Variants in MME observed in about 807,000 individuals in gnomAD.
MME encodes neprilysin.
In MME, 98 loss-of-function variants were observed where a neutral mutation model predicts 113.2. The observed-to-expected ratio is 0.87, with a 90% CI of 0.74 to 1.02. MME has a LOEUF of 1.02. MME is among the 50% of genes least tolerant of loss of function. The probability of loss-of-function intolerance (pLI) is 0.00; values close to 1 mark genes in which losing one functional copy is unlikely to be tolerated. For synonymous variants in MME, 292 were observed against 300.6 expected (o/e 0.97, Z 0.30); for missense variants, 836 against 896.0 (o/e 0.93, Z 0.86).
chr3:155,113,958 T>C (rs1718389030), intron 3 of MME, among the ~76,000 whole-genome samples: 1 of 151,904 alleles, frequency 6.6e-6, no homozygotes, highest in Non-Finnish European at 1.5e-5. Context: ...AGTGGTTCAA[T>C]GGGGGGGCTT....
chr3:155,059,258 C>CAAAAA (rs11459710), intron 1 of MME, among the ~76,000 whole-genome samples: 749 of 55,976 alleles, frequency 0.013, 27 homozygotes, highest in African/African-American at 0.05. Context: ...AATTCTGTCT[C>CAAAAA]AAAAAAAAAA....
chr3:155,075,754 C>T (rs979894289), upstream of MME, among the ~76,000 whole-genome samples: 4 of 152,138 alleles, frequency 2.6e-5, no homozygotes, highest in African/African-American at 9.7e-5. Flanking sequence ...AACTTGGGCT[C>T]AAGTGATTTT....
intron 3 of MME, among the ~76,000 whole-genome samples, chr3:155,086,374 G>A (rs1019386808): frequency 4.6e-5 from 7 of 152,162 alleles, no homozygotes; most frequent in Admixed American, 1.3e-4. Flanking sequence ...CAGGAGGAAG[G>A]TAGAGATGAG....
At position 155,065,899 on chromosome 3, in the gene MME, ATTG is replaced by A. The variant is rs1469442976; in HGVS notation, c.-10-18254_-10-18252del. Among the ~76,000 whole-genome samples, 3 of 152,222 alleles carry A rather than the reference ATTG, an allele frequency of 2.0e-5. No individual in the cohort carries two copies. The South Asian group carries it at 6.2e-4, about 32-fold the overall frequency. ...GTAGATATATACACTGATGTTCCAA[ATTG>A]TTGTAGTTGCTGTGCAGTGGAGCTA... On this transcript the variant is annotated intron_variant, in intron 1 of 22. Coordinates refer to the MME transcript ENST00000492661.
At chr3:155,039,118 G>A (rs1713223587) in intron 1 of MME, among the ~76,000 whole-genome samples, 1 of 152,094 alleles carries the variant, frequency 6.6e-6, no homozygotes, top group African/African-American at 2.4e-5. Context: ...TGAGGAAGGG[G>A]GCCAGACCCA....
intron 1 of MME, among the ~76,000 whole-genome samples, chr3:155,049,878 A>G (rs1713699085): frequency 6.6e-6 from 1 of 152,096 alleles, no homozygotes. Context: ...CAAGTTTGTT[A>G]TATACATACA....
intron 1 of MME, among the ~76,000 whole-genome samples, chr3:155,035,802 T>C (rs146256714): frequency 3.9e-5 from 6 of 152,256 alleles, no homozygotes; most frequent in African/African-American, 1.2e-4. Context: ...CCTAGCTTCA[T>C]TGGCCATTGT....
chr3:155,128,858 C>A (rs1719912550), intron 8 of MME, among the ~76,000 whole-genome samples: 1 of 152,124 alleles, frequency 6.6e-6, no homozygotes, highest in African/African-American at 2.4e-5. Flanking sequence ...AGAACCCAAT[C>A]TTTTGGAAGC....
chr3:155,177,910 C>T (rs1712712238), intron 22 of MME, among the ~76,000 whole-genome samples: 2 of 152,050 alleles, frequency 1.3e-5, no homozygotes, highest in African/African-American at 4.8e-5. Context: ...TGCTGAGATC[C>T]CTACAGTCCA....
Position 155,083,861 on chromosome 3 carries a change from T to C in MME, c.-10-297T>C. ...TTATAAACTGCTGAATTAATCCTACTTGAGTATTTAACCAAGTCTTACTGT... is the reference window on the plus strand; with the variant it reads ...TTATAAACTGCTGAATTAATCCTACCTGAGTATTTAACCAAGTCTTACTGT... On this transcript the variant is annotated intron_variant, in intron 1 of 22. Coordinates refer to ENST00000360490, the MANE Select transcript of MME (RefSeq NM_007289.4). The C allele has an allele frequency of 1.4e-5, 5 of 356,212 alleles. 1 individual carries two copies. Among genetic ancestry groups the C allele is most frequent in the South Asian group, 7.5e-5 (3 of 40,176 alleles). 22.1% of individuals were successfully genotyped at this position (356,212 alleles called of 1,614,324 possible). A position where few individuals can be genotyped will look rare whatever the true frequency, so the allele number is the denominator to read the frequency against.
chr3:155,107,795 T>C (rs1238197464), intron 3 of MME, among the ~76,000 whole-genome samples: 3 of 152,222 alleles, frequency 2.0e-5, no homozygotes, highest in Non-Finnish European at 2.9e-5. Context: ...AAGGGAACTA[T>C]AGACAAGGAT....
At chr3:155,037,701 A>G (rs1713171118) in intron 1 of MME, among the ~76,000 whole-genome samples, 1 of 152,192 alleles carries the variant, frequency 6.6e-6, no homozygotes, top group East Asian at 1.9e-4. Context: ...ACCAGTGAAG[A>G]AAGTGTTTCA....
intron 3 of MME, among the ~76,000 whole-genome samples, chr3:155,092,255 A>C (rs1019351534): frequency 2.0e-5 from 3 of 152,348 alleles, no homozygotes; most frequent in East Asian, 1.9e-4. Context: ...TTTATCAGCT[A>C]TCTGGATATC....
chr3:155,042,911 T>TATATATATATAC, intron 1 of MME, among the ~76,000 whole-genome samples: 1 of 40,358 alleles, frequency 2.5e-5, no homozygotes, highest in East Asian at 8.9e-4. Flanking sequence ...TATATATATA[T>TATATATATATAC]ATATATATAT....
At chr3:155,134,986 T>G (rs375470329) in intron 8 of MME, among the ~76,000 whole-genome samples, 1 of 152,210 alleles carries the variant, frequency 6.6e-6, no homozygotes, top group Admixed American at 6.5e-5. Flanking sequence ...TGGGGCTATT[T>G]GTTTTTTGCT....
chr3:155,088,046 G>T (rs1306330093), intron 3 of MME, among the ~76,000 whole-genome samples: 1 of 152,126 alleles, frequency 6.6e-6, no homozygotes, highest in Non-Finnish European at 1.5e-5. Context: ...GGTAAACAAG[G>T]TTGCTGTATA....
At chr3:155,160,237 G>T (rs1722618700) in intron 16 of MME, among the ~76,000 whole-genome samples, 153 bp from the exon 17 acceptor site, 1 of 152,032 alleles carries the variant, frequency 6.6e-6, no homozygotes. Flanking sequence ...TTTCAAATGA[G>T]CTCTCACCTA....
intron 8 of MME, among the ~76,000 whole-genome samples, chr3:155,134,119 G>A (rs1339359445): frequency 6.6e-6 from 1 of 151,926 alleles, no homozygotes; most frequent in East Asian, 1.9e-4. Flanking sequence ...TTAGTGATTA[G>A]AGTTTTTTAA....
upstream of MME, among the ~76,000 whole-genome samples, chr3:155,078,272 C>G (rs1327175650): frequency 1.3e-5 from 2 of 152,092 alleles, no homozygotes; most frequent in African/African-American, 4.8e-5. Flanking sequence ...TCAAGCCCCG[C>G]ATGCTTATTT....
Sources: gnomAD v4.1 joint callset for allele counts (sites outside exome capture counted in the v4.1 genomes callset) on GRCh38, gnomAD v4.1.1 for gene constraint, MANE v1.5 for transcripts, NCBI Gene and HGNC (gene_info 2026-07-23, HGNC 2026-07-21) for gene names.